The following CMYA5 variants were observed in gnomAD, a reference collection of about 807,000 sequenced individuals.
CMYA5 encodes cardiomyopathy associated 5.
In CMYA5, 246 loss-of-function variants were observed where a neutral mutation model predicts 318.9. That is an observed-to-expected ratio of 0.77 (90% CI 0.70 to 0.86). The LOEUF is 0.86. Among genes scored for constraint, CMYA5 ranks in the 40% least tolerant of loss-of-function variants. The pLI is 0.00. For missense variants in CMYA5, 4,589 were observed against 4,678.2 expected (o/e 0.98, Z 0.56); for synonymous variants, 1,641 against 1,729.5 (o/e 0.95, Z 1.27).
intron 1 of CMYA5, among the ~76,000 whole-genome samples, chr5:79,724,141 T>A (rs6453477): frequency 0.49 from 73,523 of 151,124 alleles, 19,850 homozygotes; most frequent in African/African-American, 0.73. Flanking sequence ...AACATGGTGA[T>A]ACCCCATCTC....
chr5:79,698,744 C>A (rs1283643728), intron 1 of CMYA5, among the ~76,000 whole-genome samples: 3 of 152,214 alleles, frequency 2.0e-5, no homozygotes, highest in Admixed American at 1.3e-4. Flanking sequence ...TCGTTATCTG[C>A]AATTTTATTT....
At chr5:79,699,773 AAGG>A (rs776018497) in intron 1 of CMYA5, among the ~76,000 whole-genome samples, 5 of 152,232 alleles carry the variant, frequency 3.3e-5, no homozygotes, top group South Asian at 4.1e-4. Context: ...TCCGAAACAG[AAGG>A]AGAAGTTGAG....
At chr5:79,774,577 A>G (rs182969777) in intron 9 of CMYA5, 4 of 152,422 alleles carry the variant, frequency 2.6e-5, no homozygotes, top group Admixed American at 2.6e-4. Context: ...GTGAGAGTCA[A>G]TACGCCAGAA....
At chr5:79,750,931 A>G (rs1828417750) in intron 5 of CMYA5, among the ~76,000 whole-genome samples, 1 of 152,148 alleles carries the variant, frequency 6.6e-6, no homozygotes, top group Non-Finnish European at 1.5e-5. Flanking sequence ...ACATTAATAC[A>G]CATCAGTGAT....
chr5:79,793,347 TA>T, intron 11 of CMYA5, 89 bp from the exon 12 acceptor site: 6 of 1,314,632 alleles, frequency 4.6e-6, no homozygotes, highest in Non-Finnish European at 6.4e-6. Flanking sequence ...GAATCCTGCC[TA>T]AACTGTGTGA....
At position 79,730,306 on chromosome 5, in the gene CMYA5, C is replaced by T; in HGVS notation, c.1541C>T (p.Pro514Leu). The part of the protein sequence containing the change: ...PEKEEIETSL[P>L]IAITPEPEDS... ...AAAGAAGAAATAGAAACTTCCCTAC[C>T]CATAGCTATTACCCCTGAACCTGAA... The change falls in exon 2 of 13, where the codon CCC (proline) becomes CTC (leucine). Residue 514 changes from proline to leucine, a missense_variant. This residue lies in a region of CMYA5 where 2,132 missense variants were observed against 2,131.3 expected (regional missense o/e 1.00). Coordinates refer to ENST00000446378, the MANE Select transcript of CMYA5 (RefSeq NM_153610.5). The T allele has an allele frequency of 6.2e-7, 1 of 1,613,806 alleles. No homozygotes were observed.
chr5:79,758,718 A>G (rs761103592), intron 6 of CMYA5, 35 bp from the exon 7 acceptor site: 19 of 1,527,624 alleles, frequency 1.2e-5, no homozygotes, highest in Non-Finnish European at 1.7e-5. Context: ...TAATAAAAAC[A>G]GCATTAGTTA....
chr5:79,755,296 T>C (rs1035736896), intron 6 of CMYA5, among the ~76,000 whole-genome samples: 4 of 152,092 alleles, frequency 2.6e-5, no homozygotes, highest in Admixed American at 2.0e-4. Flanking sequence ...ATACCTTTTT[T>C]TTTTTCCCCA....
At chr5:79,690,190 T>A in intron 1 of CMYA5, 134 bp downstream of exon 1, 1 of 1,287,330 alleles carries the variant, frequency 7.8e-7, no homozygotes. Context: ...TGCACTGTCG[T>A]TTAAAAGAAC....
At chr5:79,702,520 G>C (rs940412946) in intron 1 of CMYA5, among the ~76,000 whole-genome samples, 3 of 152,128 alleles carry the variant, frequency 2.0e-5, no homozygotes, top group Admixed American at 2.0e-4. Context: ...ATATTGTATG[G>C]TTTCATTTAT....
At chr5:79,692,869 C>T (rs74852555) in intron 1 of CMYA5, among the ~76,000 whole-genome samples, 1 of 152,152 alleles carries the variant, frequency 6.6e-6, no homozygotes, top group Non-Finnish European at 1.5e-5. Context: ...TGTATTCATT[C>T]ATTCACTAAA....
intron 1 of CMYA5, among the ~76,000 whole-genome samples, chr5:79,706,340 A>C (rs1827273059): frequency 6.6e-6 from 1 of 152,192 alleles, no homozygotes; most frequent in South Asian, 2.1e-4. Context: ...GTGCATCTGT[A>C]ATTTCTAACA....
Position 79,791,059 on chromosome 5 carries a change from C to G in CMYA5, c.11779C>G (p.Arg3927Gly), listed in dbSNP as rs372893220. ...GTVISFGERRRLTEIPSVLGE... is the reference protein window; with the variant it reads ...GTVISFGERRGLTEIPSVLGE... ...AGTGATCAGCTTTGGTGAGAGGAGA[C>G]GGCTGACGGAGTAAGTAGAAGAAGA... Residue 3927 changes from arginine (R) to glycine (G), a missense_variant, in exon 11 of 13, where the codon CGG becomes GGG. Coordinates refer to ENST00000446378, the MANE Select transcript of CMYA5 (RefSeq NM_153610.5). 1.2e-6 allele frequency: 2 copies of G among 1,611,924 alleles called. No individual in the cohort carries two copies. The highest frequency in any genetic ancestry group is 1.1e-5 in the South Asian group (1 of 90,884).
chr5:79,794,384 G>A (rs1406185104), intron 12 of CMYA5, among the ~76,000 whole-genome samples: 1 of 152,216 alleles, frequency 6.6e-6, no homozygotes, highest in Non-Finnish European at 1.5e-5. Flanking sequence ...AAAGCCGTTA[G>A]CCTGTGTTAG....
At chr5:79,772,850 C>T (rs1431963664) in intron 9 of CMYA5, among the ~76,000 whole-genome samples, 3 of 152,078 alleles carry the variant, frequency 2.0e-5, no homozygotes, top group Non-Finnish European at 4.4e-5. Flanking sequence ...TTACACGGTC[C>T]GATGCTTCAA....
intron 9 of CMYA5, among the ~76,000 whole-genome samples, chr5:79,778,913 A>ATT (rs1402427063): frequency 1.1e-5 from 1 of 89,860 alleles, no homozygotes; most frequent in Non-Finnish European, 2.2e-5. Flanking sequence ...TTTTTTTTTA[A>ATT]TTTTTTTTTT....
intron 1 of CMYA5, among the ~76,000 whole-genome samples, chr5:79,714,077 G>A (rs949434232): frequency 6.6e-6 from 1 of 152,162 alleles, no homozygotes; most frequent in Non-Finnish European, 1.5e-5. Context: ...GGTTGGAGTA[G>A]CATTTGGAAG....
At chr5:79,691,693 A>C (rs1826973379) in intron 1 of CMYA5, among the ~76,000 whole-genome samples, 1 of 152,252 alleles carries the variant, frequency 6.6e-6, no homozygotes. Context: ...ACACGTATCG[A>C]CGAAAAAGCA....
chr5:79,746,862 T>G, intron 4 of CMYA5, among the ~76,000 whole-genome samples: 1 of 151,768 alleles, frequency 6.6e-6, no homozygotes, highest in African/African-American at 2.4e-5. Flanking sequence ...ACACTGCCCA[T>G]CCCACCCATT....
Sources: allele counts gnomAD v4.1 joint callset (sites outside exome capture counted in the v4.1 genomes callset), GRCh38; gene constraint gnomAD v4.1.1; regional missense constraint gnomAD v4.1.1; transcripts MANE v1.5; gene names NCBI Gene and HGNC (gene_info 2026-07-23, HGNC 2026-07-21).